The following MEST variants were observed in gnomAD, a reference collection of about 807,000 sequenced individuals.
MEST encodes the protein mesoderm-specific transcript homolog protein.
In MEST, 18 loss-of-function variants were observed where a neutral mutation model predicts 50.9. The ratio of observed to expected loss-of-function variants is 0.35; its 90% CI spans 0.24 to 0.52. The LOEUF (loss-of-function observed/expected upper bound fraction) is 0.52, where lower values mean the gene tolerates loss of function less well. Among genes scored for constraint, MEST ranks in the 20% least tolerant of loss-of-function variants. MEST has a pLI of 0.94. For synonymous variants in MEST, 130 were observed against 154.1 expected (o/e 0.84, Z 1.16); for missense variants, 282 against 425.3 (o/e 0.66, Z 2.96).
At position 130,506,269 on chromosome 7, in the gene MEST, TAATAAA is replaced by T. The variant is rs1799476476; in HGVS notation, c.*1217_*1222del. On this transcript the variant is annotated 3_prime_UTR_variant, in exon 12 of 12. Coordinates refer to ENST00000223215, the MANE Select transcript of MEST (RefSeq NM_002402.4). ...ACTGGAATAAGTGTTTATTTTCTAT[TAATAAA>T]AATGAATTGTGACAAAAGTGGACTC... The T allele has an allele frequency of 6.6e-6, 1 of 152,086 alleles. No individual in the cohort carries two copies. The highest frequency in any genetic ancestry group is 2.4e-5 in the African/African-American group (1 of 41,390). 9.4% of individuals were successfully genotyped at this position (152,086 alleles called of 1,614,324 possible).
chr7:130,502,370 T>C (rs1361692245), intron 9 of MEST, among the ~76,000 whole-genome samples: 1 of 152,172 alleles, frequency 6.6e-6, no homozygotes, highest in Admixed American at 6.5e-5. Flanking sequence ...CCAAACCAAC[T>C]GTCAGCCTTC....
chr7:130,495,127 A>T (rs1232093464), intron 1 of MEST, among the ~76,000 whole-genome samples: 12 of 152,174 alleles, frequency 7.9e-5, no homozygotes, highest in African/African-American at 2.7e-4. Flanking sequence ...CAGAGGCAGA[A>T]GATTATATGT....
intron 10 of MEST, 27 bp from the exon 11 acceptor site, chr7:130,503,906 G>A (rs1311712856): frequency 7.7e-6 from 12 of 1,556,856 alleles, no homozygotes; most frequent in Non-Finnish European, 9.7e-6. Context: ...GAGCTGTTAA[G>A]TATTTCATTC....
rs1423685830 is a variant in MEST at position 130,492,978 on chromosome 7, C to A, written c.26+639C>A. On this transcript the variant is annotated intron_variant, in intron 1 of 11. Coordinates refer to ENST00000223215, the MANE Select transcript of MEST (RefSeq NM_002402.4). The surrounding 1 kb of genome is among the most constrained non-coding windows in gnomAD (Gnocchi z 7.6). Reference sequence around the variant, plus strand: ...CTGGTGCGATGTAGGATTTTTAGAACCCCGGTGTCTCCGTGGCGCACCTTA... The same window carrying A: ...CTGGTGCGATGTAGGATTTTTAGAAACCCGGTGTCTCCGTGGCGCACCTTA... 6.6e-6 allele frequency among the ~76,000 whole-genome samples: 1 copy of A among 152,096 alleles called. No individual in the cohort carries two copies. Among genetic ancestry groups the A allele is most frequent in the Non-Finnish European group, 1.5e-5 (1 of 68,014 alleles).
At chr7:130,489,358 G>A (rs1798717181), upstream of MEST, 1 of 152,268 alleles carries the variant, frequency 6.6e-6, no homozygotes, top group African/African-American at 2.4e-5. Context: ...AACTGAAAGG[G>A]TGCAACTTCG....
Position 130,506,318 on chromosome 7 carries a change from T to TC in MEST, c.*1269dup, listed in dbSNP as rs782816719. ...GTGGACTCTGGCTTCCCCTCCCCCCTCCCCCCCACCCCTCTGGGATAAAAA... is the reference window on the plus strand; with the variant it reads ...GTGGACTCTGGCTTCCCCTCCCCCCTCCCCCCCCACCCCTCTGGGATAAAAA... On this transcript the variant is annotated 3_prime_UTR_variant, in exon 12 of 12. Transcript: ENST00000223215. 2 of 26,344 alleles carry TC rather than the reference T, an allele frequency of 7.6e-5. No individual in the cohort carries two copies. The highest frequency in any genetic ancestry group is 2.2e-4 in the African/African-American group (1 of 4,642). The allele number at this position is 26,344 out of a possible 1,614,324, so 1.6% of individuals were successfully genotyped here. A position where few individuals can be genotyped will look rare whatever the true frequency, so the allele number is the denominator to read the frequency against.
chr7:130,503,346 G>C (rs531469789), intron 10 of MEST, among the ~76,000 whole-genome samples: 26 of 152,290 alleles, frequency 1.7e-4, no homozygotes, highest in Non-Finnish European at 3.5e-4. Flanking sequence ...TTGAAAGTTG[G>C]GCATATCCCA....
chr7:130,495,491 C>A lies in MEST; in HGVS notation c.150C>A (p.Phe50Leu). Residue 50 changes from phenylalanine to leucine, a missense_variant, in exon 2 of 12, where the codon TTC becomes TTA. Phe to Leu is a conservative substitution (Grantham distance 22, BLOSUM62 0). Coordinates refer to ENST00000223215, the MANE Select transcript of MEST (RefSeq NM_002402.4). ...LHSWKSSGKFFTYKGLRIFYQ... is the reference protein window; with the variant it reads ...LHSWKSSGKFLTYKGLRIFYQ... ...CATGGAAGTCTTCAGGCAAGTTTTT[C>A]ACTTACAAGGGACTGCGTATCTTCT... The A allele has an allele frequency of 6.2e-7, 1 of 1,614,084 alleles. No individual in the cohort carries two copies. The highest frequency in any genetic ancestry group is 8.5e-7 in the Non-Finnish European group (1 of 1,179,968).
intron 5 of MEST, 50 bp downstream of exon 5, chr7:130,498,325 T>G (rs1272738879): frequency 9.3e-6 from 15 of 1,611,656 alleles, no homozygotes; most frequent in African/African-American, 1.3e-5. Flanking sequence ...AGTACATTGT[T>G]TCTGGACTGT....
In MEST at chr7:130,504,059, AT is replaced by A. The variant is rs1220522476; in HGVS notation, c.890+65del. Reference sequence around the variant, plus strand: ...TCTCATCCTGACAGTGGTAAACAGAATTGCCTGTTGAGGGCTATTGGCTCTA... The same window carrying A: ...TCTCATCCTGACAGTGGTAAACAGAATGCCTGTTGAGGGCTATTGGCTCTA... On this transcript the variant is annotated intron_variant, in intron 11 of 11. Coordinates refer to ENST00000223215, the MANE Select transcript of MEST (RefSeq NM_002402.4). 45 of 1,388,768 alleles carry A rather than the reference AT, an allele frequency of 3.2e-5. No individual in the cohort carries two copies. In the East Asian group the frequency reaches 1.0e-3, roughly 32 times the overall value. The allele number at this position is 1,388,768 out of a possible 1,614,324, so 86.0% of individuals were successfully genotyped here.
Position 130,497,568 on chromosome 7 carries a change from T to A in MEST, c.261+333T>A, listed in dbSNP as rs1554437371. 1 of 243,858 alleles carries A rather than the reference T, an allele frequency of 4.1e-6. No homozygotes were observed. Among genetic ancestry groups the A allele is most frequent in the Non-Finnish European group, 7.9e-6 (1 of 127,286 alleles). The allele number at this position is 243,858 out of a possible 1,614,324, so 15.1% of individuals were successfully genotyped here. A position where few individuals can be genotyped will look rare whatever the true frequency, so the allele number is the denominator to read the frequency against. The stretch of plus-strand genomic sequence containing the variant: ...CGAGAGTCTGTCTCAAAAAAAAATT[T>A]TTTTTTAATAAAAATTTAAAAAACC... On this transcript the variant is annotated intron_variant, in intron 3 of 11. Transcript: ENST00000223215. This position sits in a 1 kb window ranked among gnomAD's most constrained non-coding sequence, Gnocchi z 4.0.
At chr7:130,503,836 G>A in intron 10 of MEST, 97 bp from the exon 11 acceptor site, 1 of 928,440 alleles carries the variant, frequency 1.1e-6, no homozygotes. Flanking sequence ...AAAAAAGGAA[G>A]AAGAAAACAT....
rs147421229 is a variant in MEST, at chr7:130,495,507, C to G, written c.166C>G (p.Arg56Gly). Residue 56 changes from arginine to glycine, a missense_variant, in exon 2 of 12, where the codon CGT becomes GGT. By Grantham distance (125) the Arg-to-Gly change is moderately radical. Transcript: ENST00000223215. ...SGKFFTYKGL[R>G]IFYQDSVGVV... ...CAAGTTTTTCACTTACAAGGGACTG[C>G]GTATCTTCTACCAAGGTAAGAAGTG... 35 of 1,613,724 alleles carry G rather than the reference C, an allele frequency of 2.2e-5. No homozygotes were observed. The highest frequency in any genetic ancestry group is 1.6e-4 in the Middle Eastern group (1 of 6,068).
At chr7:130,496,960 A>T (rs931477710) in intron 2 of MEST, 196 bp from the exon 3 acceptor site, 7 of 406,920 alleles carry the variant, frequency 1.7e-5, no homozygotes, top group African/African-American at 1.2e-4. Context: ...CAATGTTTTA[A>T]TATACAGATT....
chr7:130,504,869 G>C, intron 11 of MEST, 70 bp from the exon 12 acceptor site: 1 of 1,159,188 alleles, frequency 8.6e-7, no homozygotes, highest in Non-Finnish European at 1.3e-6. Context: ...CATTTACTGG[G>C]GCTTCCCACT....
In MEST at chr7:130,500,975, T is replaced by C. The variant is rs1265190670; in HGVS notation, c.749+85T>C. 8.4e-7 allele frequency: 1 copy of C among 1,184,270 alleles called. No individual in the cohort carries two copies. The highest frequency in any genetic ancestry group is 1.2e-6 in the Non-Finnish European group (1 of 824,716). 73.4% of individuals were successfully genotyped at this position (1,184,270 alleles called of 1,614,324 possible). On this transcript the variant is annotated intron_variant, in intron 9 of 11. Coordinates refer to ENST00000223215, the MANE Select transcript of MEST (RefSeq NM_002402.4). This position sits in a 1 kb window ranked among gnomAD's most constrained non-coding sequence, Gnocchi z 5.0. The stretch of plus-strand genomic sequence containing the variant: ...GCTTGTTCTGTTCCTTGCTGGCTTA[T>C]TCCCTATCACAGGAAGGCTGATGAT...
Position 130,500,979 on chromosome 7 carries a change from C to A in MEST, c.749+89C>A. On this transcript the variant is annotated intron_variant, in intron 9 of 11. Transcript: ENST00000223215. The surrounding 1 kb of genome is among the most constrained non-coding windows in gnomAD (Gnocchi z 5.0). ...GTTCTGTTCCTTGCTGGCTTATTCC[C>A]TATCACAGGAAGGCTGATGATGACC... 3 of 1,130,638 alleles carry A rather than the reference C, an allele frequency of 2.7e-6. No homozygotes were observed. The highest frequency in any genetic ancestry group is 2.4e-5 in the East Asian group (1 of 40,948). The allele number at this position is 1,130,638 out of a possible 1,614,324, so 70.0% of individuals were successfully genotyped here.
intron 1 of MEST, chr7:130,493,223 G>GC (rs1798900433): frequency 1.3e-5 from 2 of 152,200 alleles, no homozygotes; most frequent in African/African-American, 4.8e-5. Flanking sequence ...CCTTGGTTTC[G>GC]CGGGTTTTCA....
Position 130,505,144 on chromosome 7 carries a change from C to T in MEST, c.*88C>T, listed in dbSNP as rs1799432575. Reference sequence around the variant, plus strand: ...TAGGAAGAAATGCCCAAAAGAGGTCCTGGCCATCAAACATAATTCTCTCAC... The same window carrying T: ...TAGGAAGAAATGCCCAAAAGAGGTCTTGGCCATCAAACATAATTCTCTCAC... On this transcript the variant is annotated 3_prime_UTR_variant, in exon 12 of 12. Coordinates refer to ENST00000223215, the MANE Select transcript of MEST (RefSeq NM_002402.4). The T allele has an allele frequency of 9.3e-6, 9 of 971,772 alleles. No individual in the cohort carries two copies. The highest frequency in any genetic ancestry group is 1.5e-5 in the Non-Finnish European group (9 of 618,530). 60.2% of individuals were successfully genotyped at this position (971,772 alleles called of 1,614,324 possible). A position where few individuals can be genotyped will look rare whatever the true frequency, so the allele number is the denominator to read the frequency against.
Sources: gnomAD v4.1 joint callset for allele counts (sites outside exome capture counted in the v4.1 genomes callset) on GRCh38, gnomAD v4.1.1 for gene constraint, Gnocchi (gnomAD v3.1) non-coding constraint, MANE v1.5 for transcripts, NCBI Gene and HGNC (gene_info 2026-07-23, HGNC 2026-07-21) for gene names.